Variants in ANOS1 observed in about 807,000 individuals in gnomAD.
The protein encoded by ANOS1 is anosmin 1.
A neutral mutation model predicts 59.0 loss-of-function variants in ANOS1; 6 were observed. The ratio of observed to expected loss-of-function variants is 0.10; its 90% CI spans 0.06 to 0.20. The LOEUF is 0.20. Ranked by LOEUF, ANOS1 falls within the 10% of genes least tolerant of loss-of-function variation. ANOS1 has a pLI of 1.00. For synonymous variants in ANOS1, 217 were observed against 223.4 expected (o/e 0.97, Z 0.25); for missense variants, 433 against 542.3 (o/e 0.80, Z 2.00).
At chrX:8,729,480 C>A (rs183233164) in intron 1 of ANOS1, among the ~76,000 whole-genome samples, 3,510 of 93,900 alleles carry the variant, frequency 0.037, 69 homozygotes, top group African/African-American at 0.071. Context: ...CTCACTGCAA[C>A]CGCTGCCTCC....
At chrX:8,721,792 C>T (rs1932876811) in intron 1 of ANOS1, among the ~76,000 whole-genome samples, 1 of 112,670 alleles carries the variant, frequency 8.9e-6, no homozygotes, top group Admixed American at 9.4e-5. Context: ...CTTAACCTGC[C>T]TTGCAGAACA....
intron 2 of ANOS1, among the ~76,000 whole-genome samples, chrX:8,682,354 C>CCACACACACACACACACACA (rs757532758): frequency 8.0e-4 from 81 of 101,620 alleles, no homozygotes; most frequent in African/African-American, 2.7e-3. Flanking sequence ...GAGAATTTCA[C>CCACACACACACACACACACA]CACACACACA....
chrX:8,570,106 A>G (rs182014908), intron 7 of ANOS1, among the ~76,000 whole-genome samples: 5 of 106,549 alleles, frequency 4.7e-5, no homozygotes, highest in African/African-American at 6.9e-5. Context: ...AGCCATGAAC[A>G]TCCACTCTTC....
intron 2 of ANOS1, among the ~76,000 whole-genome samples, chrX:8,688,246 A>T (rs1240844286): frequency 1.8e-5 from 2 of 112,019 alleles, no homozygotes; most frequent in Non-Finnish European, 3.8e-5. Context: ...CTGAAATCCA[A>T]TTCTGTCTCC....
intron 2 of ANOS1, among the ~76,000 whole-genome samples, chrX:8,666,401 A>T (rs5933680): frequency 0.21 from 23,568 of 110,102 alleles, 2,156 homozygotes; most frequent in East Asian, 0.51. Flanking sequence ...CAATTCAACA[A>T]CTCCCCAACC....
At chrX:8,609,675 C>T (rs919963673) in intron 3 of ANOS1, among the ~76,000 whole-genome samples, 4 of 110,878 alleles carry the variant, frequency 3.6e-5, no homozygotes, top group Non-Finnish European at 7.5e-5. Context: ...CCTTACAGTC[C>T]TGATTTGTCT....
intron 2 of ANOS1, among the ~76,000 whole-genome samples, chrX:8,666,954 C>A (rs1241359971): frequency 8.9e-6 from 1 of 111,920 alleles, no homozygotes; most frequent in Non-Finnish European, 1.9e-5. Context: ...CAAGTATCAG[C>A]AGTAGGAATA....
intron 2 of ANOS1, among the ~76,000 whole-genome samples, chrX:8,626,162 G>A (rs1344138677): frequency 1.0e-5 from 1 of 99,351 alleles, no homozygotes; most frequent in Non-Finnish European, 2.0e-5. Context: ...TTTGATGTTT[G>A]CATTTAACAG....
At chrX:8,631,686 A>C (rs1244704716) in intron 2 of ANOS1, among the ~76,000 whole-genome samples, 5 of 111,993 alleles carry the variant, frequency 4.5e-5, no homozygotes, top group Non-Finnish European at 9.4e-5. Context: ...AAGATGTAGA[A>C]GAAGTAGGAA....
intron 1 of ANOS1, among the ~76,000 whole-genome samples, chrX:8,708,223 C>CAAAACA (rs1199569338): frequency 9.0e-6 from 1 of 110,986 alleles, no homozygotes; most frequent in South Asian, 3.8e-4. Flanking sequence ...GACTATGCCT[C>CAAAACA]AAAACAAAAA....
At chrX:8,689,253 T>A (rs1287114198) in intron 2 of ANOS1, among the ~76,000 whole-genome samples, 1 of 111,466 alleles carries the variant, frequency 9.0e-6, no homozygotes, top group Non-Finnish European at 1.9e-5. Context: ...GGCTCTCATT[T>A]TTTTCTCTTC....
intron 6 of ANOS1, among the ~76,000 whole-genome samples, chrX:8,575,997 T>A (rs1315665777): frequency 1.8e-5 from 2 of 111,429 alleles, no homozygotes; most frequent in African/African-American, 3.3e-5. Flanking sequence ...TTGTCCTAGC[T>A]ACTCAGGAGG....
chrX:8,681,162 A>T (rs1465121318), intron 2 of ANOS1, among the ~76,000 whole-genome samples: 2 of 111,608 alleles, frequency 1.8e-5, no homozygotes, highest in Non-Finnish European at 3.8e-5. Context: ...TTCTAGGTCT[A>T]ACCACTTCTT....
chrX:8,532,801 C>A lies in ANOS1; in HGVS notation c.*194G>T. 1 of 416,262 alleles carries A rather than the reference C, an allele frequency of 2.4e-6. No homozygotes were observed. 34.3% of individuals were successfully genotyped at this position (416,262 alleles called of 1,213,427 possible). On this transcript the variant is annotated 3_prime_UTR_variant, in exon 14 of 14. Coordinates refer to ENST00000262648, the MANE Select transcript of ANOS1 (RefSeq NM_000216.4). ...ATGCTTGTAGGGAACTGGTGTCTGT[C>A]TTCACCAATCTACTGTTTCTCACTT... is the stretch of plus-strand genomic sequence containing the variant.
chrX:8,663,079 C>A (rs930103606), intron 2 of ANOS1, among the ~76,000 whole-genome samples: 5 of 111,358 alleles, frequency 4.5e-5, no homozygotes, highest in African/African-American at 1.6e-4. Flanking sequence ...GGAAGAACAT[C>A]TACAAGCCAA....
chrX:8,679,007 A>G (rs1429655875), intron 2 of ANOS1, among the ~76,000 whole-genome samples: 1 of 111,767 alleles, frequency 8.9e-6, no homozygotes, highest in Admixed American at 9.6e-5. Context: ...CATATAATCT[A>G]CAGAGAAAAT....
intron 9 of ANOS1, among the ~76,000 whole-genome samples, chrX:8,540,742 G>A (rs1048961251): frequency 2.7e-4 from 29 of 108,166 alleles, no homozygotes; most frequent in Non-Finnish European, 5.4e-4. Flanking sequence ...GGTTGATCTA[G>A]TGGGAACTTC....
chrX:8,672,874 G>T (rs919818479), intron 2 of ANOS1, among the ~76,000 whole-genome samples: 1 of 111,506 alleles, frequency 9.0e-6, no homozygotes, highest in Non-Finnish European at 1.9e-5. Flanking sequence ...TAACAATTAA[G>T]AAAGCATTTT....
intron 2 of ANOS1, among the ~76,000 whole-genome samples, chrX:8,656,524 C>T (rs1931932455): frequency 9.0e-6 from 1 of 111,424 alleles, no homozygotes. Flanking sequence ...TTTCCATTTT[C>T]CTTTATGCCC....
Sources: gnomAD v4.1 joint callset for allele counts (sites outside exome capture counted in the v4.1 genomes callset) on GRCh38, gnomAD v4.1.1 for gene constraint, MANE v1.5 for transcripts, NCBI Gene and HGNC (gene_info 2026-07-23, HGNC 2026-07-21) for gene names.